GRID2: variants seen among roughly 807,000 people sequenced by gnomAD.
The protein encoded by GRID2 is glutamate receptor ionotropic, delta-2.
Under a neutral mutation model 114.8 loss-of-function variants are expected in GRID2, and 33 were observed. The ratio of observed to expected loss-of-function variants is 0.29; its 90% CI spans 0.22 to 0.38. The LOEUF is 0.38. Among genes scored for constraint, GRID2 ranks in the 10% least tolerant of loss-of-function variants. The probability of loss-of-function intolerance (pLI) is 1.00; values close to 1 mark genes in which losing one functional copy is unlikely to be tolerated. For missense variants in GRID2, 1,184 were observed against 1,257.7 expected (o/e 0.94, Z 0.89); for synonymous variants, 505 against 449.9 (o/e 1.12, Z -1.55).
At chr4:93,614,395 T>A in intron 13 of GRID2, among the ~76,000 whole-genome samples, 1 of 152,206 alleles carries the variant, frequency 6.6e-6, no homozygotes, top group East Asian at 1.9e-4. Context: ...TCCTGTCAAT[T>A]ATGCCAACAA....
chr4:92,460,055 C>CAT (rs1343434703), intron 1 of GRID2, among the ~76,000 whole-genome samples: 9 of 37,458 alleles, frequency 2.4e-4, no homozygotes, highest in African/African-American at 6.9e-4. Context: ...TATATATATA[C>CAT]ACACACAACT....
intron 13 of GRID2, among the ~76,000 whole-genome samples, chr4:93,525,310 T>C (rs1401651747): frequency 6.6e-6 from 1 of 152,052 alleles, no homozygotes; most frequent in African/African-American, 2.4e-5. Flanking sequence ...GGAGAGGGCC[T>C]GAGCAAAGGC....
chr4:92,444,298 AG>A (rs1220746299), intron 1 of GRID2, among the ~76,000 whole-genome samples: 1 of 152,182 alleles, frequency 6.6e-6, no homozygotes. Flanking sequence ...GAGTCCGTAA[AG>A]AGAGTCAGTG....
chr4:92,916,679 AG>A (rs1241125012), intron 2 of GRID2, among the ~76,000 whole-genome samples: 4 of 152,270 alleles, frequency 2.6e-5, no homozygotes, highest in Non-Finnish European at 1.5e-5. Flanking sequence ...GTCCCTACAA[AG>A]GATATGAACT....
chr4:92,763,801 G>C (rs368272071), intron 2 of GRID2, among the ~76,000 whole-genome samples: 1 of 152,100 alleles, frequency 6.6e-6, no homozygotes, highest in African/African-American at 2.4e-5. Context: ...AGTAGATGAG[G>C]CTAAATCACA....
At chr4:93,536,644 CTTCTT>C (rs1299918324) in intron 13 of GRID2, among the ~76,000 whole-genome samples, 94 of 77,922 alleles carry the variant, frequency 1.2e-3, no homozygotes, top group African/African-American at 4.5e-3. Flanking sequence ...ATATTTTTGA[CTTCTT>C]TTTTTTTTTT....
In GRID2 at chr4:92,697,943, G is replaced by T. The variant is rs144909957; in HGVS notation, c.244+107657G>T. Among the ~76,000 whole-genome samples the T allele has an allele frequency of 1.1e-3, 162 of 152,198 alleles. 1 individual carries two copies. The highest frequency in any genetic ancestry group is 3.9e-3 in the African/African-American group (160 of 41,550). On this transcript the variant is annotated intron_variant, in intron 2 of 15. Transcript: ENST00000282020. ...TATTGGAAAAATTAAAACAGAGGTA[G>T]GTAGTTGAGTCTTTTTTTGTTGTTT...
chr4:92,764,302 T>C (rs1435260969), intron 2 of GRID2, among the ~76,000 whole-genome samples: 7 of 152,136 alleles, frequency 4.6e-5, no homozygotes, highest in Non-Finnish European at 1.0e-4. Context: ...AGCAGTCCTC[T>C]TACTGAACAT....
intron 1 of GRID2, among the ~76,000 whole-genome samples, chr4:92,562,607 G>A (rs186929953): frequency 1.9e-4 from 29 of 152,184 alleles, no homozygotes; most frequent in African/African-American, 6.3e-4. Flanking sequence ...GATCAGTGAG[G>A]AGCTGCTATG....
intron 13 of GRID2, among the ~76,000 whole-genome samples, chr4:93,565,414 C>A (rs981893150): frequency 6.6e-5 from 10 of 151,986 alleles, no homozygotes; most frequent in Non-Finnish European, 1.3e-4. Flanking sequence ...GCAAATGAAT[C>A]TACAATTATC....
At chr4:93,191,290 A>G (rs1464537316) in intron 4 of GRID2, among the ~76,000 whole-genome samples, 1 of 152,070 alleles carries the variant, frequency 6.6e-6, no homozygotes, top group Non-Finnish European at 1.5e-5. Flanking sequence ...TCAGTTGGTA[A>G]GAAATGTTGC....
At chr4:92,927,737 A>G (rs1749920747) in intron 2 of GRID2, among the ~76,000 whole-genome samples, 1 of 151,764 alleles carries the variant, frequency 6.6e-6, no homozygotes, top group Non-Finnish European at 1.5e-5. Context: ...CACGGAAAAT[A>G]AGGTTTTAAT....
intron 14 of GRID2, among the ~76,000 whole-genome samples, chr4:93,655,252 T>TA (rs1462761016): frequency 6.6e-6 from 1 of 152,176 alleles, no homozygotes; most frequent in Non-Finnish European, 1.5e-5. Context: ...AAGTAAATTA[T>TA]AAAATACAAA....
chr4:92,932,089 T>G (rs1402564397), intron 2 of GRID2, among the ~76,000 whole-genome samples: 2 of 151,186 alleles, frequency 1.3e-5, no homozygotes, highest in African/African-American at 4.8e-5. Flanking sequence ...TTGATGACAT[T>G]TCTTCTCAAT....
intron 2 of GRID2, among the ~76,000 whole-genome samples, chr4:92,774,012 C>T (rs533087262): frequency 1.3e-5 from 2 of 152,056 alleles, no homozygotes; most frequent in East Asian, 3.9e-4. Flanking sequence ...AATTTATACA[C>T]AAGTGATGGG....
At chr4:93,278,658 A>T (rs1390466353) in intron 8 of GRID2, among the ~76,000 whole-genome samples, 1 of 152,010 alleles carries the variant, frequency 6.6e-6, no homozygotes, top group African/African-American at 2.4e-5. Context: ...TAAGCAGCTC[A>T]TAGTCCACTG....
At chr4:92,849,084 T>G (rs1743560159) in intron 2 of GRID2, among the ~76,000 whole-genome samples, 2 of 151,968 alleles carry the variant, frequency 1.3e-5, no homozygotes, top group African/African-American at 2.4e-5. Flanking sequence ...TATAGAGGGC[T>G]ATAAGTATCC....
chr4:92,944,676 G>C (rs1751479637), intron 2 of GRID2, among the ~76,000 whole-genome samples: 1 of 152,148 alleles, frequency 6.6e-6, no homozygotes, highest in Non-Finnish European at 1.5e-5. Context: ...GACTGGAGCT[G>C]TTCCTATTTG....
chr4:92,828,534 A>T (rs1741888891), intron 2 of GRID2, among the ~76,000 whole-genome samples: 1 of 152,062 alleles, frequency 6.6e-6, no homozygotes, highest in Non-Finnish European at 1.5e-5. Flanking sequence ...CTTTGGCAAC[A>T]TTGTTTAATA....
Sources: allele counts gnomAD v4.1 joint callset (sites outside exome capture counted in the v4.1 genomes callset), GRCh38; gene constraint gnomAD v4.1.1; transcripts MANE v1.5; gene names NCBI Gene and HGNC (gene_info 2026-07-23, HGNC 2026-07-21).